Variants in ESR1 observed in about 807,000 individuals in gnomAD.
ESR1 encodes estrogen receptor.
ESR1 carries 12 observed loss-of-function variants against 52.7 expected under a neutral mutation model. The observed-to-expected ratio is 0.23, with a 90% CI of 0.15 to 0.37. The LOEUF is 0.37. ESR1 is among the 10% of genes least tolerant of loss of function. The pLI, the probability that ESR1 is intolerant of heterozygous loss-of-function variation, is 1.00. For synonymous variants in ESR1, 305 were observed against 316.8 expected, an observed-to-expected ratio of 0.96 and a Z score of 0.39; for missense variants, 584 against 779.7, an observed-to-expected ratio of 0.75 and a Z score of 2.99.
chr6:151,856,590 C>G (rs1033254931), intron 2 of ESR1, among the ~76,000 whole-genome samples: 1 of 117,628 alleles, frequency 8.5e-6, no homozygotes. Context: ...TTATATACAA[C>G]GTGTTTGGAA....
chr6:151,987,079 C>G (rs1468114987), intron 4 of ESR1, among the ~76,000 whole-genome samples: 1 of 151,954 alleles, frequency 6.6e-6, no homozygotes, highest in Non-Finnish European at 1.5e-5. Context: ...AGATCACTTA[C>G]ATTTCCTCAC....
intron 3 of ESR1, among the ~76,000 whole-genome samples, chr6:151,889,181 A>G (rs1330507442): frequency 6.6e-6 from 1 of 152,218 alleles, no homozygotes; most frequent in Non-Finnish European, 1.5e-5. Context: ...CTGGCCTTGT[A>G]AAATGAGTTT....
At chr6:152,105,869 G>A (rs1463001520), downstream of ESR1, among the ~76,000 whole-genome samples, 4 of 125,800 alleles carry the variant, frequency 3.2e-5, no homozygotes, top group African/African-American at 1.2e-4. Flanking sequence ...CTCGCTGCAA[G>A]CTCCGCTTCC....
intron 1 of ESR1, among the ~76,000 whole-genome samples, chr6:151,678,564 C>T (rs1562324546): frequency 2.0e-5 from 3 of 152,028 alleles, no homozygotes; most frequent in East Asian, 3.8e-4. Flanking sequence ...GTAAAGTCTC[C>T]GTAGCTGCAA....
rs1345079854 is a variant in ESR1 at position 151,833,631 on chromosome 6, A to G, written c.453-8966A>G. On this transcript the variant is annotated intron_variant, in intron 1 of 7. Coordinates refer to ENST00000206249, the MANE Select transcript of ESR1 (RefSeq NM_000125.4). ...TCCAACTGTGTATCAGACACTAAGA[A>G]TAAGCTGGGAGGCCATGGCAAGTGA... 2.0e-5 allele frequency among the ~76,000 whole-genome samples: 3 copies of G among 152,304 alleles called. No homozygotes were observed. In the East Asian group the frequency reaches 5.8e-4, roughly 29 times the overall value.
chr6:151,687,075 G>A (rs1337553429), upstream of ESR1, among the ~76,000 whole-genome samples: 3 of 152,138 alleles, frequency 2.0e-5, no homozygotes, highest in African/African-American at 4.8e-5. Flanking sequence ...CTCAGTGCAG[G>A]TTTCCAAATT....
intron 2 of ESR1, among the ~76,000 whole-genome samples, chr6:151,711,007 A>T (rs1370614019): frequency 2.6e-5 from 4 of 152,198 alleles, no homozygotes. Context: ...GCTGCAATAA[A>T]CATACATGTG....
chr6:151,856,911 T>C (rs1316291110), intron 2 of ESR1, among the ~76,000 whole-genome samples: 1 of 152,194 alleles, frequency 6.6e-6, no homozygotes, highest in Non-Finnish European at 1.5e-5. Flanking sequence ...AACTTCCTGA[T>C]TGAAGATACA....
At chr6:151,889,577 C>T (rs1794396579) in intron 3 of ESR1, among the ~76,000 whole-genome samples, 2 of 152,002 alleles carry the variant, frequency 1.3e-5, no homozygotes, top group African/African-American at 4.8e-5. Flanking sequence ...AAAGGTTAAT[C>T]AATTTTGTTT....
chr6:151,814,932 G>A (rs1377852265), intron 1 of ESR1, among the ~76,000 whole-genome samples: 1 of 152,170 alleles, frequency 6.6e-6, no homozygotes, highest in Non-Finnish European at 1.5e-5. Flanking sequence ...TTGGTTTCAG[G>A]AGTTTTAGAT....
At chr6:151,807,677 C>G, upstream of ESR1, 1 of 603,660 alleles carries the variant, frequency 1.7e-6, no homozygotes, top group Non-Finnish European at 3.0e-6. Flanking sequence ...GCCCGGGAGC[C>G]CAGGAGCTGG....
rs569719493 is a variant in ESR1, at chr6:151,970,088, G to A, written c.1096+25580G>A. Among the ~76,000 whole-genome samples the A allele has an allele frequency of 7.9e-5, 12 of 151,974 alleles. No individual in the cohort carries two copies. The East Asian group carries it at 2.1e-3, about 27-fold the overall frequency. On this transcript the variant is annotated intron_variant, in intron 4 of 7. Coordinates refer to ENST00000206249, the MANE Select transcript of ESR1 (RefSeq NM_000125.4). Reference sequence around the variant, plus strand: ...CCCGTTATTTCTTCCCTCTGCCCCCGGAAAGGCCCTTACCATGGCTCTGAT... The same window carrying A: ...CCCGTTATTTCTTCCCTCTGCCCCCAGAAAGGCCCTTACCATGGCTCTGAT...
At chr6:151,826,614 A>G (rs552504394) in intron 1 of ESR1, among the ~76,000 whole-genome samples, 1 of 152,282 alleles carries the variant, frequency 6.6e-6, no homozygotes, top group African/African-American at 2.4e-5. Context: ...AATTGAAATC[A>G]GTTTGGCAGC....
At chr6:151,664,289 A>C (rs1777741982) in intron 1 of ESR1, among the ~76,000 whole-genome samples, 2 of 152,252 alleles carry the variant, frequency 1.3e-5, no homozygotes, top group South Asian at 2.1e-4. Flanking sequence ...CTGTAAAAGC[A>C]GATAAACAAG....
intron 4 of ESR1, among the ~76,000 whole-genome samples, chr6:151,947,719 G>A (rs1482511242): frequency 3.3e-5 from 5 of 152,156 alleles, no homozygotes; most frequent in Admixed American, 1.3e-4. Flanking sequence ...CATCATACAA[G>A]TGTGAGAGTC....
At chr6:151,968,216 A>T (rs544852284) in intron 4 of ESR1, among the ~76,000 whole-genome samples, 9 of 152,208 alleles carry the variant, frequency 5.9e-5, no homozygotes, top group Non-Finnish European at 1.2e-4. Flanking sequence ...CTGACTAGCC[A>T]TATGCAGAAA....
At position 152,069,357 on chromosome 6, in the gene ESR1, A is replaced by T. The variant is rs557393057; in HGVS notation, c.1369+8233A>T. ...GTCCTCACTCTGGCTGGCAGCAGTG[A>T]ACCCATTGGAATGCAGGATCTGAAA... On this transcript the variant is annotated intron_variant, in intron 6 of 7. Coordinates refer to ENST00000206249, the MANE Select transcript of ESR1 (RefSeq NM_000125.4). 2.2e-5 allele frequency among the ~76,000 whole-genome samples: 3 copies of T among 136,718 alleles called. 1 individual carries two copies. Among genetic ancestry groups the T allele is most frequent in the African/African-American group, 9.8e-5 (3 of 30,644 alleles). 89.7% of individuals were successfully genotyped at this position (136,718 alleles called of 152,430 possible). A position where few individuals can be genotyped will look rare whatever the true frequency, so the allele number is the denominator to read the frequency against.
At chr6:151,906,412 C>T (rs940870514) in intron 3 of ESR1, among the ~76,000 whole-genome samples, 2 of 151,552 alleles carry the variant, frequency 1.3e-5, no homozygotes, top group Non-Finnish European at 2.9e-5. Context: ...CATAATTACC[C>T]TTAAAAATAA....
At chr6:151,675,301 G>A (rs1405617501) in intron 1 of ESR1, among the ~76,000 whole-genome samples, 1 of 152,172 alleles carries the variant, frequency 6.6e-6, no homozygotes, top group Non-Finnish European at 1.5e-5. Context: ...AGAGGCTTGT[G>A]GTGGAGAGCT....
Sources: allele counts gnomAD v4.1 joint callset (sites outside exome capture counted in the v4.1 genomes callset), GRCh38; gene constraint gnomAD v4.1.1; transcripts MANE v1.5; gene names NCBI Gene and HGNC (gene_info 2026-07-23, HGNC 2026-07-21).